The following GLYATL1 variants were observed in gnomAD, a reference collection of about 807,000 sequenced individuals.
GLYATL1 encodes the protein glycine N-acyltransferase-like protein 1.
A neutral mutation model predicts 20.0 loss-of-function variants in GLYATL1; 15 were observed. The observed-to-expected ratio is 0.75, with a 90% CI of 0.50 to 1.15. The LOEUF is 1.15. Ranked by LOEUF, GLYATL1 falls within the 50% of genes most tolerant of loss-of-function variation. GLYATL1 has a pLI of 0.00. For missense variants in GLYATL1, 380 were observed against 368.5 expected (o/e 1.03, Z -0.26); for synonymous variants, 151 against 131.5 (o/e 1.15, Z -1.01).
intron 1 of GLYATL1, chr11:58,905,708 GCTGGGACCGGGAT>G: frequency 2.3e-6 from 1 of 436,162 alleles, no homozygotes; most frequent in Non-Finnish European, 4.6e-6. Flanking sequence ...GGAGGGGATC[GCTGGGACCGGGAT>G]GGGTCATCTG....
chr11:58,944,171 GAACAACAATGCCAATGCATTTA>G (rs1374003604), intron 2 of GLYATL1, among the ~76,000 whole-genome samples: 4 of 152,226 alleles, frequency 2.6e-5, no homozygotes, highest in Non-Finnish European at 4.4e-5. Context: ...CATTCCAAAT[GAACAACAATGCCAATGCATTTA>G]AACAACAATG....
chr11:58,935,199 C>CT (rs1855774134), upstream of GLYATL1: 2 of 152,294 alleles, frequency 1.3e-5, no homozygotes, highest in African/African-American at 4.8e-5. Flanking sequence ...AAACCAAGTC[C>CT]ACCAGGCAAG....
At chr11:58,905,554 C>G (rs1854845935) in exon 1 of GLYATL1, 1 of 456,212 alleles carries the variant, frequency 2.2e-6, no homozygotes, top group Admixed American at 2.3e-5. Context: ...CGCCAGGCAT[C>G]TCCCATACCC....
At chr11:58,907,555 G>C in exon 2 of GLYATL1, 1 of 357,724 alleles carries the variant, frequency 2.8e-6, no homozygotes, top group South Asian at 2.2e-5. Context: ...AGAAATTCAA[G>C]GTAATGACTT....
intron 1 of GLYATL1, chr11:58,942,439 T>C (rs191125702): frequency 1.3e-5 from 2 of 152,278 alleles, no homozygotes; most frequent in Admixed American, 6.5e-5. Context: ...CATGAAGAAT[T>C]TTCTCCCAGC....
At chr11:58,955,379 A>G (rs778652547) in intron 6 of GLYATL1, 26 bp downstream of exon 6, 4 of 1,586,322 alleles carry the variant, frequency 2.5e-6, no homozygotes, top group South Asian at 2.3e-5. Context: ...CTGATCATTT[A>G]TAATTGCGAT....
intron 1 of GLYATL1, among the ~76,000 whole-genome samples, chr11:58,942,959 T>C (rs938368052): frequency 1.3e-5 from 2 of 152,168 alleles, no homozygotes; most frequent in Admixed American, 1.3e-4. Flanking sequence ...AAGCAATAAT[T>C]GACCACTGGA....
chr11:58,929,222 G>A (rs1855514390), intron 1 of GLYATL1, among the ~76,000 whole-genome samples: 1 of 152,166 alleles, frequency 6.6e-6, no homozygotes, highest in Non-Finnish European at 1.5e-5. Flanking sequence ...ATCCCATTAA[G>A]TATGATGTTA....
chr11:58,945,047 GTA>G (rs35054821), intron 2 of GLYATL1, among the ~76,000 whole-genome samples: 1 of 144,536 alleles, frequency 6.9e-6, no homozygotes, highest in Non-Finnish European at 1.5e-5. Context: ...ATATATAGGG[GTA>G]TATATATATA....
rs1387223768 is a variant in GLYATL1, at chr11:58,955,163, G to T, written c.314-13G>T. On this transcript the variant is annotated splice_polypyrimidine_tract_variant and intron_variant, in intron 5 of 6. Transcript: ENST00000532726. ...CATGTCTGACAAGATTGCTTTCTTG[G>T]CTTTCTTCCCAGGTCTTCAAGAAAG... The T allele has an allele frequency of 6.2e-7, 1 of 1,609,580 alleles. No homozygotes were observed. The highest frequency in any genetic ancestry group is 1.7e-5 in the Admixed American group (1 of 59,408).
At chr11:58,921,843 A>C (rs550470186) in intron 1 of GLYATL1, among the ~76,000 whole-genome samples, 1 of 152,270 alleles carries the variant, frequency 6.6e-6, no homozygotes, top group Admixed American at 6.5e-5. Flanking sequence ...AACTTCAGCA[A>C]TTTCCACTTG....
intron 1 of GLYATL1, among the ~76,000 whole-genome samples, chr11:58,919,873 C>G (rs753380083): frequency 1.8e-4 from 28 of 152,134 alleles, no homozygotes; most frequent in Non-Finnish European, 3.5e-4. Context: ...TGCCATTTTT[C>G]CCATATGAGT....
At chr11:58,948,324 A>G (rs746590260) in intron 4 of GLYATL1, among the ~76,000 whole-genome samples, 4 of 152,152 alleles carry the variant, frequency 2.6e-5, no homozygotes, top group Non-Finnish European at 5.9e-5. Flanking sequence ...ACAGAAACCA[A>G]GGCATAAGTC....
chr11:58,933,870 G>T (rs1481320168), intron 1 of GLYATL1: 1 of 152,478 alleles, frequency 6.6e-6, no homozygotes, highest in Non-Finnish European at 1.5e-5. Flanking sequence ...TGTGTTAGCA[G>T]ATGGTAGGCC....
At chr11:58,907,177 A>T in intron 1 of GLYATL1, 1 of 450,296 alleles carries the variant, frequency 2.2e-6, no homozygotes, top group Non-Finnish European at 4.5e-6. Flanking sequence ...ACACAGTTGA[A>T]TACTTTAGGG....
rs1857413321 is a variant in GLYATL1, at chr11:58,956,260, A to G, written c.*233A>G. ...TAAATATGCTTAAGTGTTATAGGGA[A>G]AGACGGGGTTACCAGTAAACATGTA... On this transcript the variant is annotated 3_prime_UTR_variant, in exon 7 of 7. Transcript: ENST00000532726. 1 of 495,964 alleles carries G rather than the reference A, an allele frequency of 2.0e-6. No individual in the cohort carries two copies. The highest frequency in any genetic ancestry group is 1.9e-5 in the African/African-American group (1 of 52,732). The allele number at this position is 495,964 out of a possible 1,614,324, so 30.7% of individuals were successfully genotyped here.
At chr11:58,919,616 C>A (rs1855260006) in intron 1 of GLYATL1, among the ~76,000 whole-genome samples, 1 of 152,114 alleles carries the variant, frequency 6.6e-6, no homozygotes. Context: ...GTGGGGAAAG[C>A]CTCAAACAAC....
chr11:58,930,359 A>C (rs1388090784), intron 1 of GLYATL1, among the ~76,000 whole-genome samples: 1 of 152,252 alleles, frequency 6.6e-6, no homozygotes, highest in Non-Finnish European at 1.5e-5. Flanking sequence ...TTAGCTGGTA[A>C]ATAAAATTTA....
At chr11:58,930,845 G>A (rs1488677931) in intron 1 of GLYATL1, among the ~76,000 whole-genome samples, 3 of 152,110 alleles carry the variant, frequency 2.0e-5, no homozygotes, top group African/African-American at 4.8e-5. Context: ...ACAGACTCAC[G>A]AATTATAAGA....
Sources: allele counts gnomAD v4.1 joint callset (sites outside exome capture counted in the v4.1 genomes callset), GRCh38; gene constraint gnomAD v4.1.1; transcripts MANE v1.5; gene names NCBI Gene and HGNC (gene_info 2026-07-23, HGNC 2026-07-21).